Variants in GOLPH3L observed in about 807,000 individuals in gnomAD.
The protein encoded by GOLPH3L is Golgi phosphoprotein 3-like.
GOLPH3L carries 22 observed loss-of-function variants against 30.3 expected under a neutral mutation model. The ratio of observed to expected loss-of-function variants is 0.73; its 90% CI spans 0.52 to 1.04. GOLPH3L has a LOEUF of 1.04. GOLPH3L is among the 50% of genes least tolerant of loss of function. The pLI, the probability that GOLPH3L is intolerant of heterozygous loss-of-function variation, is 0.00. For synonymous variants in GOLPH3L, 120 were observed against 128.2 expected (o/e 0.94, Z 0.43); for missense variants, 303 against 345.8 (o/e 0.88, Z 0.98).
intron 4 of GOLPH3L, among the ~76,000 whole-genome samples, chr1:150,654,513 A>C (rs1245593084): frequency 1.3e-5 from 2 of 151,056 alleles, no homozygotes; most frequent in African/African-American, 2.5e-5. Context: ...CGTTTAAAAA[A>C]AAAAAACAAA....
At chr1:150,673,173 A>T (rs1378054298) in intron 2 of GOLPH3L, among the ~76,000 whole-genome samples, 1 of 151,834 alleles carries the variant, frequency 6.6e-6, no homozygotes, top group Non-Finnish European at 1.5e-5. Flanking sequence ...AAAAATTTTT[A>T]TTTTTTTTAT....
intron 4 of GOLPH3L, among the ~76,000 whole-genome samples, chr1:150,652,575 T>G (rs979058278): frequency 6.6e-6 from 1 of 152,014 alleles, no homozygotes; most frequent in Non-Finnish European, 1.5e-5. Context: ...CAGGACACAC[T>G]AGACAGTAAT....
chr1:150,683,024 T>C (rs997711628), intron 2 of GOLPH3L, among the ~76,000 whole-genome samples: 1 of 152,200 alleles, frequency 6.6e-6, no homozygotes, highest in African/African-American at 2.4e-5. Context: ...TTCTCCTCTA[T>C]CAAATCCCTA....
chr1:150,688,478 G>A (rs1321101122), intron 2 of GOLPH3L, among the ~76,000 whole-genome samples: 11 of 152,086 alleles, frequency 7.2e-5, no homozygotes, highest in African/African-American at 2.4e-4. Context: ...CTGGCGGGGC[G>A]CAGTGGCTCA....
At chr1:150,681,220 AGAAT>A (rs1426208808) in intron 2 of GOLPH3L, among the ~76,000 whole-genome samples, 1 of 152,230 alleles carries the variant, frequency 6.6e-6, no homozygotes, top group Non-Finnish European at 1.5e-5. Flanking sequence ...CTATTAAATA[AGAAT>A]GAAGGGAAAA....
At chr1:150,677,134 G>A (rs1448370373) in intron 2 of GOLPH3L, among the ~76,000 whole-genome samples, 7 of 149,654 alleles carry the variant, frequency 4.7e-5, no homozygotes, top group East Asian at 2.0e-4. Flanking sequence ...GCAGTGGCGC[G>A]ATCTTGGCTC....
At chr1:150,678,721 C>T (rs1490223356) in intron 2 of GOLPH3L, among the ~76,000 whole-genome samples, 1 of 152,090 alleles carries the variant, frequency 6.6e-6, no homozygotes, top group Non-Finnish European at 1.5e-5. Flanking sequence ...GCTCATGCCA[C>T]CGAGGCAAGC....
intron 2 of GOLPH3L, among the ~76,000 whole-genome samples, chr1:150,693,797 A>ATATGTGTGTG (rs1553189135): frequency 8.2e-5 from 5 of 60,970 alleles, no homozygotes; most frequent in Non-Finnish European, 1.1e-4. Flanking sequence ...TTGTTTATGT[A>ATATGTGTGTG]TGTGTGTGTG....
At chr1:150,677,719 G>A (rs759237060) in intron 2 of GOLPH3L, among the ~76,000 whole-genome samples, 25 of 149,370 alleles carry the variant, frequency 1.7e-4, no homozygotes, top group Non-Finnish European at 3.4e-4. Context: ...TCTACTTCTC[G>A]AGCTCAAGCA....
intron 2 of GOLPH3L, among the ~76,000 whole-genome samples, chr1:150,670,210 T>A (rs1238391916): frequency 6.6e-6 from 1 of 151,846 alleles, no homozygotes. Flanking sequence ...TGCAGTGAGC[T>A]GAGATCTCAC....
intron 2 of GOLPH3L, chr1:150,694,079 GA>G: frequency 2.5e-6 from 1 of 393,294 alleles, no homozygotes. Flanking sequence ...GGCTAGTCTT[GA>G]ACTCCTGGCC....
intron 2 of GOLPH3L, among the ~76,000 whole-genome samples, chr1:150,689,706 G>A (rs1651166106): frequency 6.6e-6 from 1 of 151,780 alleles, no homozygotes; most frequent in Non-Finnish European, 1.5e-5. Flanking sequence ...GTGCAGTAGT[G>A]TGACCTTGGC....
At chr1:150,662,050 CTG>C in intron 3 of GOLPH3L, 122 bp from the exon 4 acceptor site, 1 of 645,764 alleles carries the variant, frequency 1.5e-6, no homozygotes, top group African/African-American at 1.8e-5. Flanking sequence ...GCATAATATA[CTG>C]TCTCTGTCCT....
chr1:150,671,349 T>C (rs1650639309), intron 2 of GOLPH3L, among the ~76,000 whole-genome samples: 1 of 152,144 alleles, frequency 6.6e-6, no homozygotes, highest in Non-Finnish European at 1.5e-5. Flanking sequence ...ACTTTAAAGA[T>C]TGCACAATGG....
chr1:150,694,903 C>G, intron 1 of GOLPH3L, 53 bp from the exon 2 acceptor site: 3 of 896,894 alleles, frequency 3.3e-6, no homozygotes, highest in Non-Finnish European at 5.3e-6. Context: ...GTAAATAAAT[C>G]ATATATTCAT....
intron 3 of GOLPH3L, among the ~76,000 whole-genome samples, chr1:150,663,044 T>TG (rs1165117456): frequency 2.6e-5 from 4 of 151,822 alleles, no homozygotes; most frequent in Admixed American, 2.0e-4. Flanking sequence ...TCGTAATTTT[T>TG]TTTTTTTAGA....
chr1:150,667,394 T>C (rs1650531604), intron 2 of GOLPH3L, among the ~76,000 whole-genome samples: 1 of 152,140 alleles, frequency 6.6e-6, no homozygotes, highest in African/African-American at 2.4e-5. Flanking sequence ...AGTGTAATGA[T>C]ATAACTCCCT....
chr1:150,672,901 T>C (rs2101800974), intron 2 of GOLPH3L, among the ~76,000 whole-genome samples: 1 of 152,200 alleles, frequency 6.6e-6, no homozygotes, highest in African/African-American at 2.4e-5. Flanking sequence ...ATGAATGAAA[T>C]GAAGATTGAA....
intron 2 of GOLPH3L, among the ~76,000 whole-genome samples, chr1:150,679,647 A>G (rs1650904379): frequency 6.6e-6 from 1 of 152,182 alleles, no homozygotes; most frequent in South Asian, 2.1e-4. Flanking sequence ...GAAAATAAAA[A>G]AAATTAGCCA....
Sources: allele counts gnomAD v4.1 joint callset (sites outside exome capture counted in the v4.1 genomes callset), GRCh38; gene constraint gnomAD v4.1.1; transcripts MANE v1.5; gene names NCBI Gene and HGNC (gene_info 2026-07-23, HGNC 2026-07-21).